The following VIPR1 variants were observed in gnomAD, a reference collection of about 807,000 sequenced individuals.
VIPR1 encodes vasoactive intestinal peptide receptor 1.
VIPR1 carries 59 observed loss-of-function variants against 58.8 expected under a neutral mutation model. That is an observed-to-expected ratio of 1.00 (90% CI 0.81 to 1.25). VIPR1 has a LOEUF of 1.25. Among genes scored for constraint, VIPR1 ranks in the 50% most tolerant of loss-of-function variants. VIPR1 has a pLI of 0.00. For synonymous variants in VIPR1, 251 were observed against 242.1 expected, an observed-to-expected ratio of 1.04 and a Z score of -0.34; for missense variants, 626 against 602.7, an observed-to-expected ratio of 1.04 and a Z score of -0.40.
chr3:42,496,173 G>A (rs1398966603), intron 1 of VIPR1, among the ~76,000 whole-genome samples: 2 of 152,062 alleles, frequency 1.3e-5, no homozygotes, highest in Non-Finnish European at 2.9e-5. Flanking sequence ...GGAGGCGGAG[G>A]TTGCAGTGAG....
intron 1 of VIPR1, chr3:42,513,505 CAG>C: frequency 2.1e-6 from 1 of 472,980 alleles, no homozygotes; most frequent in Non-Finnish European, 3.8e-6. Flanking sequence ...AAAGCAGTTA[CAG>C]CTGCAGCACT....
chr3:42,527,308 G>A, intron 4 of VIPR1, 85 bp from the exon 5 acceptor site: 1 of 1,305,642 alleles, frequency 7.7e-7, no homozygotes, highest in Non-Finnish European at 1.1e-6. Context: ...CAGGCAGAGT[G>A]TGTAGGGCAC....
At chr3:42,495,343 C>A (rs543064903) in intron 1 of VIPR1, among the ~76,000 whole-genome samples, 2 of 152,176 alleles carry the variant, frequency 1.3e-5, no homozygotes, top group South Asian at 4.1e-4. Flanking sequence ...GGATGGTTTC[C>A]ATCTCCTGAC....
At chr3:42,531,045 G>A (rs753446559) in intron 7 of VIPR1, 113 bp downstream of exon 7, 23 of 1,347,332 alleles carry the variant, frequency 1.7e-5, no homozygotes, top group Non-Finnish European at 2.1e-5. Flanking sequence ...CTTAGCTGCA[G>A]GTCCTGCCTG....
At chr3:42,519,936 G>A (rs983557746) in intron 3 of VIPR1, among the ~76,000 whole-genome samples, 1 of 152,216 alleles carries the variant, frequency 6.6e-6, no homozygotes, top group African/African-American at 2.4e-5. Flanking sequence ...TGCTCTCCCA[G>A]AGCTAGCATT....
intron 2 of VIPR1, among the ~76,000 whole-genome samples, chr3:42,516,126 C>T (rs529638045): frequency 6.6e-6 from 1 of 152,316 alleles, no homozygotes; most frequent in East Asian, 1.9e-4. Flanking sequence ...AGAGGCCCCA[C>T]CTCATCTTGC....
chr3:42,489,455 G>A (rs1031787976), exon 1 of VIPR1: 17 of 152,262 alleles, frequency 1.1e-4, no homozygotes, highest in African/African-American at 3.9e-4. Context: ...GAGCCAGAGC[G>A]GAGTATAAGC....
At chr3:42,490,874 A>T (rs1699653206) in intron 1 of VIPR1, among the ~76,000 whole-genome samples, 1 of 152,130 alleles carries the variant, frequency 6.6e-6, no homozygotes, top group South Asian at 2.1e-4. Context: ...ATAAATTTTT[A>T]AAATAGCAGG....
intron 1 of VIPR1, among the ~76,000 whole-genome samples, chr3:42,493,033 G>A (rs1699694060): frequency 6.6e-6 from 1 of 152,246 alleles, no homozygotes; most frequent in African/African-American, 2.4e-5. Flanking sequence ...AAAGGCTGAA[G>A]TTCTATTTTT....
intron 1 of VIPR1, among the ~76,000 whole-genome samples, chr3:42,492,144 T>A (rs945199639): frequency 6.6e-6 from 1 of 151,878 alleles, no homozygotes; most frequent in Non-Finnish European, 1.5e-5. Context: ...CTCATTTTTT[T>A]CTTCTCTCCC....
intron 1 of VIPR1, among the ~76,000 whole-genome samples, chr3:42,496,222 T>G (rs1043465448): frequency 3.3e-5 from 5 of 152,056 alleles, no homozygotes; most frequent in Admixed American, 2.0e-4. Context: ...GGGGCAAGAC[T>G]CCGTCTCAAA....
At chr3:42,535,946 GC>G in intron 12 of VIPR1, 143 bp from the exon 13 acceptor site, 1 of 1,040,232 alleles carries the variant, frequency 9.6e-7, no homozygotes, top group South Asian at 1.7e-5. Flanking sequence ...AGTTTGCACC[GC>G]CCGAGGCAGC....
At chr3:42,512,991 C>T in intron 1 of VIPR1, 4 of 736,158 alleles carry the variant, frequency 5.4e-6, no homozygotes, top group Non-Finnish European at 6.3e-6. Flanking sequence ...ACCCCTGATC[C>T]CTGGCCAGGG....
intron 1 of VIPR1, among the ~76,000 whole-genome samples, chr3:42,504,104 C>G (rs1700001173): frequency 6.6e-6 from 1 of 152,136 alleles, no homozygotes. Flanking sequence ...CAAGCTCTGT[C>G]CCAGAGGCCA....
rs201674548 is a variant in VIPR1 at position 42,513,824 on chromosome 3, G to T, written c.154G>T (p.Glu52Ter). ...CGAGGTGCAGCACAAGCAGTGCCTG[G>T]AGGAGGCCCAGCTGGAGAATGAGAC... ...MIEVQHKQCL[E>*]EAQLENETIG... The change falls in exon 2 of 13, where the codon GAG (glutamate) becomes TAG (stop). Residue 52 changes from glutamate to a stop codon, truncating the protein, a stop_gained. Coordinates refer to ENST00000325123, the MANE Select transcript of VIPR1 (RefSeq NM_004624.4). LOFTEE classifies it high-confidence loss of function. The T allele has an allele frequency of 1.9e-6, 3 of 1,551,690 alleles. No individual in the cohort carries two copies. The East Asian group carries it at 7.3e-5, about 38-fold the overall frequency.
At chr3:42,517,804 C>T (rs901522945) in intron 2 of VIPR1, among the ~76,000 whole-genome samples, 2 of 151,966 alleles carry the variant, frequency 1.3e-5, no homozygotes, top group Non-Finnish European at 2.9e-5. Flanking sequence ...GGCGAAACCC[C>T]GTCTCTACTA....
chr3:42,530,729 A>C, intron 6 of VIPR1, 50 bp from the exon 7 acceptor site: 1 of 1,601,170 alleles, frequency 6.2e-7, no homozygotes. Flanking sequence ...TGGGCAGTCA[A>C]GGACCCTTGA....
At chr3:42,523,085 C>CCA (rs1407722369) in intron 3 of VIPR1, among the ~76,000 whole-genome samples, 1 of 83,280 alleles carries the variant, frequency 1.2e-5, no homozygotes, top group African/African-American at 8.2e-5. Context: ...CATGCCCTGA[C>CCA]CCCGCCCCCA....
chr3:42,535,331 C>T lies in VIPR1; in HGVS notation c.1141-12C>T, dbSNP rs376850540. The T allele has an allele frequency of 6.2e-7, 1 of 1,614,152 alleles. No homozygotes were observed. Among genetic ancestry groups the T allele is most frequent in the African/African-American group, 1.3e-5 (1 of 75,056 alleles). Reference sequence around the variant, plus strand: ...CTGTCTACCTCACCTCTCCTGTCATCTTCCTTCTCAGGGTTTTGTGGTGGC... The same window carrying T: ...CTGTCTACCTCACCTCTCCTGTCATTTTCCTTCTCAGGGTTTTGTGGTGGC... On this transcript the variant is annotated splice_polypyrimidine_tract_variant and intron_variant, in intron 11 of 12. Coordinates refer to ENST00000325123, the MANE Select transcript of VIPR1 (RefSeq NM_004624.4).
Sources: allele counts gnomAD v4.1 joint callset (sites outside exome capture counted in the v4.1 genomes callset), GRCh38; gene constraint gnomAD v4.1.1; transcripts MANE v1.5; gene names NCBI Gene and HGNC (gene_info 2026-07-23, HGNC 2026-07-21).